Variants in CSMD1 observed in about 807,000 individuals in gnomAD.
The protein encoded by CSMD1 is CUB and Sushi multiple domains 1.
A neutral mutation model predicts 417.5 loss-of-function variants in CSMD1; 213 were observed. That is an observed-to-expected ratio of 0.51 (90% CI 0.46 to 0.57). The LOEUF is 0.57. Ranked by LOEUF, CSMD1 falls within the 20% of genes least tolerant of loss-of-function variation. The pLI is 0.00. For synonymous variants in CSMD1, 2,862 were observed against 1,736.8 expected (o/e 1.65, Z -16.11); for missense variants, 6,923 against 4,529.7 (o/e 1.53, Z -15.17).
In CSMD1 at chr8:4,429,117, G is replaced by GT. The variant is rs1217774106; in HGVS notation, c.303-9053dup. ...ATAAAATGATTACTACTGGTAATCA[G>GT]TTTTTTTCTATGAAAACTGATATAT... On this transcript the variant is annotated intron_variant, in intron 2 of 69. Coordinates refer to ENST00000635120, the MANE Select transcript of CSMD1 (RefSeq NM_033225.6). Among the ~76,000 whole-genome samples the GT allele has an allele frequency of 4.0e-5, 6 of 151,422 alleles. 1 individual carries two copies. The highest frequency in any genetic ancestry group is 3.9e-4 in the East Asian group (2 of 5,166).
chr8:4,514,572 A>G (rs1264673569), intron 2 of CSMD1, among the ~76,000 whole-genome samples: 2 of 152,364 alleles, frequency 1.3e-5, no homozygotes, highest in East Asian at 1.9e-4. Flanking sequence ...AAACTTAGCT[A>G]CTGAGACCGC....
At chr8:4,589,875 C>T (rs1194384667) in intron 2 of CSMD1, among the ~76,000 whole-genome samples, 2 of 152,156 alleles carry the variant, frequency 1.3e-5, no homozygotes, top group African/African-American at 2.4e-5. Flanking sequence ...TATCAGGAGC[C>T]TGATGCCACT....
intron 1 of CSMD1, among the ~76,000 whole-genome samples, chr8:4,792,974 T>C (rs1199492431): frequency 3.0e-5 from 3 of 100,272 alleles, no homozygotes; most frequent in Non-Finnish European, 6.4e-5. Context: ...TGTGTATATA[T>C]GTGTATGCAA....
chr8:4,757,031 A>G (rs899146), intron 1 of CSMD1, among the ~76,000 whole-genome samples: 111,563 of 152,174 alleles, frequency 0.73, 41,082 homozygotes, highest in Admixed American at 0.8. Flanking sequence ...TTCTTATACA[A>G]TATGCAGGAA....
intron 1 of CSMD1, among the ~76,000 whole-genome samples, chr8:4,938,904 C>A (rs72624083): frequency 0.18 from 28,039 of 152,050 alleles, 3,137 homozygotes; most frequent in East Asian, 0.38. Context: ...TGACGTTGAA[C>A]CTCTTTTCAT....
At chr8:3,789,963 C>A (rs2129067119) in intron 5 of CSMD1, among the ~76,000 whole-genome samples, 1 of 152,172 alleles carries the variant, frequency 6.6e-6, no homozygotes, top group Non-Finnish European at 1.5e-5. Context: ...GATCTCCTGA[C>A]CTTGTGATCC....
At chr8:3,416,578 C>A (rs1813165913) in intron 12 of CSMD1, among the ~76,000 whole-genome samples, 1 of 152,184 alleles carries the variant, frequency 6.6e-6, no homozygotes, top group African/African-American at 2.4e-5. Context: ...AGCACGCTTG[C>A]TTGTTTCCTT....
intron 3 of CSMD1, among the ~76,000 whole-genome samples, chr8:4,277,180 T>C (rs558953961): frequency 6.3e-4 from 92 of 147,054 alleles, no homozygotes; most frequent in African/African-American, 2.2e-3. Flanking sequence ...TACATATTTA[T>C]ATGTCATCTA....
At chr8:4,059,132 A>G (rs556676821) in intron 3 of CSMD1, among the ~76,000 whole-genome samples, 5 of 152,230 alleles carry the variant, frequency 3.3e-5, no homozygotes, top group East Asian at 1.9e-4. Flanking sequence ...CTCAGGATTA[A>G]GAAACTCACT....
At chr8:3,331,377 C>G (rs991267321) in intron 23 of CSMD1, among the ~76,000 whole-genome samples, 1 of 152,116 alleles carries the variant, frequency 6.6e-6, no homozygotes, top group Admixed American at 6.5e-5. Flanking sequence ...CAGATGTTTG[C>G]TAACAGTGGC....
chr8:4,026,690 G>C (rs559291374), intron 4 of CSMD1, among the ~76,000 whole-genome samples: 240 of 152,298 alleles, frequency 1.6e-3, no homozygotes, highest in African/African-American at 5.4e-3. Context: ...ATAGCAATCA[G>C]ACAAATGCTA....
chr8:4,647,035 C>T (rs1221959451), intron 1 of CSMD1, among the ~76,000 whole-genome samples: 1 of 152,108 alleles, frequency 6.6e-6, no homozygotes, highest in Non-Finnish European at 1.5e-5. Flanking sequence ...TCCTCTAGGC[C>T]ATCCAAAGTG....
At chr8:4,611,237 T>G (rs1211364895) in intron 2 of CSMD1, among the ~76,000 whole-genome samples, 1 of 152,202 alleles carries the variant, frequency 6.6e-6, no homozygotes, top group Non-Finnish European at 1.5e-5. Context: ...CAATGGGTAC[T>G]ATTCGTCAAT....
intron 55 of CSMD1, among the ~76,000 whole-genome samples, chr8:2,977,927 A>G (rs545068697): frequency 1.3e-4 from 20 of 152,296 alleles, no homozygotes; most frequent in African/African-American, 3.9e-4. Context: ...AAGAAACAAC[A>G]GATGCTGGCG....
intron 2 of CSMD1, among the ~76,000 whole-genome samples, chr8:4,445,964 G>C (rs556083668): frequency 6.6e-6 from 1 of 152,142 alleles, no homozygotes. Flanking sequence ...TGAGGTAGAC[G>C]AAAGGATAGC....
In CSMD1 at chr8:2,936,481, A is replaced by T. The variant is rs1056137968; in HGVS notation, c.*2104T>A. The stretch of plus-strand genomic sequence containing the variant: ...TTTCAATCATCTTCTGTTTCGTTCA[A>T]TGTGTGTGTTAGGAGCACGACTCCC... On this transcript the variant is annotated 3_prime_UTR_variant, in exon 70 of 70. Transcript: ENST00000635120. 1.3e-5 allele frequency: 2 copies of T among 151,888 alleles called. No homozygotes were observed. Among genetic ancestry groups the T allele is most frequent in the African/African-American group, 4.8e-5 (2 of 41,404 alleles). 9.4% of individuals were successfully genotyped at this position (151,888 alleles called of 1,614,324 possible).
chr8:3,856,263 C>T (rs116402317), intron 5 of CSMD1, among the ~76,000 whole-genome samples: 3,000 of 152,082 alleles, frequency 0.02, 38 homozygotes, highest in Middle Eastern at 0.054. Context: ...CCTACTTGGC[C>T]CATGTAAGAC....
intron 3 of CSMD1, among the ~76,000 whole-genome samples, chr8:4,408,624 T>A (rs957717672): frequency 6.6e-6 from 1 of 152,218 alleles, no homozygotes; most frequent in African/African-American, 2.4e-5. Context: ...ATGGAAAATG[T>A]ACTCTATATG....
intron 3 of CSMD1, among the ~76,000 whole-genome samples, chr8:4,163,710 G>C (rs1797294606): frequency 6.6e-6 from 1 of 152,106 alleles, no homozygotes; most frequent in East Asian, 1.9e-4. Context: ...TTTTTTTATG[G>C]TGGATGTGAT....
Sources: gnomAD v4.1 joint callset for allele counts (sites outside exome capture counted in the v4.1 genomes callset) on GRCh38, gnomAD v4.1.1 for gene constraint, MANE v1.5 for transcripts, NCBI Gene and HGNC (gene_info 2026-07-23, HGNC 2026-07-21) for gene names.